PTK2: variants seen among roughly 807,000 people sequenced by gnomAD.
The protein encoded by PTK2 is focal adhesion kinase 1.
A neutral mutation model predicts 150.1 loss-of-function variants in PTK2; 45 were observed. The observed-to-expected ratio is 0.30, with a 90% CI of 0.24 to 0.38. The LOEUF (loss-of-function observed/expected upper bound fraction) is 0.38. Among genes scored for constraint, PTK2 ranks in the 10% least tolerant of loss-of-function variants. The pLI, the probability that PTK2 is intolerant of heterozygous loss-of-function variation, is 1.00. For missense variants in PTK2, 919 were observed against 1,307.3 expected, an observed-to-expected ratio of 0.70 and a Z score of 4.58; for synonymous variants, 432 against 449.2, an observed-to-expected ratio of 0.96 and a Z score of 0.48.
At chr8:140,978,334 G>C (rs2100190089) in intron 1 of PTK2, among the ~76,000 whole-genome samples, 1 of 152,160 alleles carries the variant, frequency 6.6e-6, no homozygotes, top group Non-Finnish European at 1.5e-5. Context: ...CCTACAGAAT[G>C]GGAGAAAATT....
chr8:140,717,798 G>A (rs1026296439), intron 22 of PTK2, 89 bp from the exon 26 acceptor site: 8 of 986,284 alleles, frequency 8.1e-6, no homozygotes, highest in Admixed American at 3.4e-5. Context: ...AGGAACACCA[G>A]TTGGCTAACA....
At chr8:140,715,249 T>C (rs922331437) in intron 23 of PTK2, among the ~76,000 whole-genome samples, 1 of 129,980 alleles carries the variant, frequency 7.7e-6, no homozygotes, top group Admixed American at 9.6e-5. Context: ...CTCGGCTCAC[T>C]GCAATCTCTG....
At chr8:140,948,733 T>C (rs1222880143) in intron 1 of PTK2, 1 of 152,156 alleles carries the variant, frequency 6.6e-6, no homozygotes, top group Non-Finnish European at 1.5e-5. Context: ...TCTAAAATAT[T>C]TGAGGAAAAA....
intron 22 of PTK2, chr8:140,718,022 G>A (rs1434839329): frequency 2.4e-5 from 7 of 286,940 alleles, no homozygotes; most frequent in Non-Finnish European, 4.8e-5. Context: ...AGTTTATCTT[G>A]AGCAGAACAG....
intron 2 of PTK2, among the ~76,000 whole-genome samples, chr8:140,915,127 G>A (rs1454034465): frequency 1.3e-5 from 2 of 151,900 alleles, no homozygotes; most frequent in Non-Finnish European, 2.9e-5. Context: ...CTCATGGGGT[G>A]TACATTTCAC....
intron 22 of PTK2, among the ~76,000 whole-genome samples, chr8:140,734,125 G>C (rs796999117): frequency 1.3e-5 from 2 of 152,272 alleles, no homozygotes; most frequent in African/African-American, 4.8e-5. Flanking sequence ...TGAACATGTG[G>C]TGAGAAGGCT....
chr8:140,721,839 C>T (rs1273001529), intron 22 of PTK2: 1 of 152,232 alleles, frequency 6.6e-6, no homozygotes, highest in African/African-American at 2.4e-5. Flanking sequence ...AAGCTCCCTC[C>T]TCCCTTTAGG....
At position 140,926,840 on chromosome 8, in the gene PTK2, C is replaced by T. The variant is rs114396537; in HGVS notation, c.-121-1091G>A. ...ACCTCTAAAATTAATGGCATAAAAA[C>T]TATTTCATTATCTAAAAAGGCAAAG... On this transcript the variant is annotated intron_variant, in intron 1 of 31. Coordinates refer to ENST00000522684, the Ensembl canonical transcript of PTK2. 6.3e-3 allele frequency among the ~76,000 whole-genome samples: 965 copies of T among 152,248 alleles called. 14 individuals carry two copies. The highest frequency in any genetic ancestry group is 0.02 in the African/African-American group (820 of 41,550).
At chr8:140,992,918 TA>T in intron 1 of PTK2, among the ~76,000 whole-genome samples, 1 of 152,348 alleles carries the variant, frequency 6.6e-6, no homozygotes, top group East Asian at 1.9e-4. Context: ...TTAAATGGTT[TA>T]GGGGCATAAT....
At chr8:140,922,462 A>C (rs566009541) in intron 2 of PTK2, among the ~76,000 whole-genome samples, 27 of 152,160 alleles carry the variant, frequency 1.8e-4, no homozygotes, top group Middle Eastern at 3.4e-3. Flanking sequence ...AGAGACCAAG[A>C]CTGTAAAGGA....
chr8:140,769,515 T>C, intron 14 of PTK2, 60 bp downstream of exon 16: 1 of 1,175,862 alleles, frequency 8.5e-7, no homozygotes, highest in African/African-American at 1.6e-5. Context: ...TACTAAACTA[T>C]ATTTATTTTC....
At chr8:140,773,397 T>C (rs2100076641) in intron 14 of PTK2, among the ~76,000 whole-genome samples, 1 of 152,230 alleles carries the variant, frequency 6.6e-6, no homozygotes, top group Non-Finnish European at 1.5e-5. Flanking sequence ...GTAAATTTTA[T>C]GGCATGTCAA....
intron 1 of PTK2, among the ~76,000 whole-genome samples, chr8:140,927,975 A>AAAAAAAAAAAAAAAAAAAAAT: frequency 2.1e-5 from 1 of 48,196 alleles, no homozygotes; most frequent in African/African-American, 9.8e-5. Context: ...AAAAAAAAAA[A>AAAAAAAAAAAAAAAAAAAAAT]ATATATATAT....
At chr8:140,874,299 T>A (rs996676553) in intron 4 of PTK2, among the ~76,000 whole-genome samples, 1 of 152,216 alleles carries the variant, frequency 6.6e-6, no homozygotes, top group African/African-American at 2.4e-5. Context: ...ACAGTATGAA[T>A]AGACTCTATA....
intron 2 of PTK2, among the ~76,000 whole-genome samples, chr8:140,902,939 T>TTTTTTTG (rs1568516715): frequency 7.2e-6 from 1 of 139,498 alleles, no homozygotes; most frequent in Non-Finnish European, 1.6e-5. Flanking sequence ...TTTTTTTTTT[T>TTTTTTTG]TTTTTTTTTT....
chr8:140,752,098 A>T, intron 17 of PTK2, 134 bp downstream of exon 20: 1 of 788,118 alleles, frequency 1.3e-6, no homozygotes. Context: ...TTAGACATTA[A>T]TTTGCAAGGC....
At chr8:140,990,904 C>A (rs757756364) in intron 1 of PTK2, among the ~76,000 whole-genome samples, 2 of 152,044 alleles carry the variant, frequency 1.3e-5, no homozygotes, top group Non-Finnish European at 2.9e-5. Context: ...AGAGAATGGA[C>A]GGGAGACTCT....
chr8:140,873,275 A>G (rs1167130531), intron 4 of PTK2, among the ~76,000 whole-genome samples: 2 of 152,214 alleles, frequency 1.3e-5, no homozygotes, highest in Non-Finnish European at 2.9e-5. Context: ...CAGCCTCTCC[A>G]GCTACAGAGA....
chr8:140,989,445 A>C (rs1198350652), intron 1 of PTK2, among the ~76,000 whole-genome samples: 1 of 151,832 alleles, frequency 6.6e-6, no homozygotes, highest in African/African-American at 2.4e-5. Flanking sequence ...ACCGCATGCC[A>C]CAAAGCAGGA....
Sources: allele counts gnomAD v4.1 joint callset (sites outside exome capture counted in the v4.1 genomes callset), GRCh38; gene constraint gnomAD v4.1.1; transcripts MANE v1.5; gene names NCBI Gene and HGNC (gene_info 2026-07-23, HGNC 2026-07-21).